Variants in RARB observed in about 807,000 individuals in gnomAD.
RARB encodes the protein HBV-activated protein.
RARB carries 17 observed loss-of-function variants against 51.9 expected under a neutral mutation model. The observed-to-expected ratio is 0.33, with a 90% CI of 0.22 to 0.49. RARB has a LOEUF of 0.49. Among genes scored for constraint, RARB ranks in the 20% least tolerant of loss-of-function variants. The probability of loss-of-function intolerance (pLI) is 0.99; values close to 1 mark genes in which losing one functional copy is unlikely to be tolerated. For missense variants in RARB, 369 were observed against 550.8 expected (o/e 0.67, Z 3.30); for synonymous variants, 215 against 195.4 (o/e 1.10, Z -0.84).
chr3:24,855,744 AT>A (rs34706427), intron 1 of RARB, among the ~76,000 whole-genome samples: 28,911 of 109,778 alleles, frequency 0.26, 2,761 homozygotes, highest in Admixed American at 0.36. Context: ...GGAAATCTGC[AT>A]TTTTTTTTTT....
At chr3:25,288,680 A>G (rs1703712813) in intron 5 of RARB, among the ~76,000 whole-genome samples, 1 of 152,140 alleles carries the variant, frequency 6.6e-6, no homozygotes, top group Non-Finnish European at 1.5e-5. Context: ...CCTGTACCAG[A>G]AACAATAACA....
chr3:25,176,019 T>C (rs1297115462), intron 5 of RARB, among the ~76,000 whole-genome samples: 1 of 152,204 alleles, frequency 6.6e-6, no homozygotes, highest in African/African-American at 2.4e-5. Context: ...GTCTAAATGA[T>C]TGATAAAGCC....
chr3:25,224,547 T>C (rs1007372056), intron 5 of RARB, among the ~76,000 whole-genome samples: 2 of 152,178 alleles, frequency 1.3e-5, no homozygotes, highest in South Asian at 4.1e-4. Flanking sequence ...CTCTGCAAAG[T>C]CACTAAATAT....
At chr3:25,142,779 AT>A (rs1700129973) in intron 4 of RARB, among the ~76,000 whole-genome samples, 1 of 152,108 alleles carries the variant, frequency 6.6e-6, no homozygotes, top group Non-Finnish European at 1.5e-5. Context: ...ATGGGCTGCA[AT>A]CTATAGCTGG....
chr3:25,130,519 C>G (rs529292657), intron 3 of RARB, among the ~76,000 whole-genome samples: 3 of 151,572 alleles, frequency 2.0e-5, no homozygotes, highest in African/African-American at 7.3e-5. Flanking sequence ...AGTAATGGAC[C>G]ACCTTGTATT....
chr3:25,044,539 C>G (rs1698176180), intron 2 of RARB, among the ~76,000 whole-genome samples: 1 of 152,126 alleles, frequency 6.6e-6, no homozygotes, highest in South Asian at 2.1e-4. Context: ...AGTAATCAGC[C>G]TGGGATTGGT....
chr3:24,878,321 T>A (rs1273413331), intron 2 of RARB, among the ~76,000 whole-genome samples: 1 of 152,128 alleles, frequency 6.6e-6, no homozygotes, highest in Non-Finnish European at 1.5e-5. Context: ...ATTTTGTTTT[T>A]GAAGTTTTCA....
At position 24,989,774 on chromosome 3, in the gene RARB, C is replaced by CTTTTTTTTTTTTTTTTTTTTT. The variant is rs769275874; in HGVS notation, c.-379-70335_-379-70315dup. On this transcript the variant is annotated intron_variant, in intron 2 of 11. Transcript: ENST00000383772. ...ATTTTAACTGTTGTCATATGTTTTT[C>CTTTTTTTTTTTTTTTTTTTTT]TTTTTTTTTTTTTTTTTTTTTTTTT... Among the ~76,000 whole-genome samples, 7 of 29,528 alleles carry CTTTTTTTTTTTTTTTTTTTTT rather than the reference C, an allele frequency of 2.4e-4. 2 individuals carry two copies. Among genetic ancestry groups the CTTTTTTTTTTTTTTTTTTTTT allele is most frequent in the African/African-American group, 6.4e-4 (5 of 7,874 alleles). 19.4% of individuals were successfully genotyped at this position (29,528 alleles called of 152,430 possible).
At chr3:25,484,066 T>A (rs1197178557) in intron 2 of RARB, among the ~76,000 whole-genome samples, 1 of 152,216 alleles carries the variant, frequency 6.6e-6, no homozygotes, top group Non-Finnish European at 1.5e-5. Context: ...TAGTGAAGGA[T>A]GAGCTAAATT....
At chr3:25,561,674 A>C (rs551867045) in intron 3 of RARB, among the ~76,000 whole-genome samples, 1 of 152,264 alleles carries the variant, frequency 6.6e-6, no homozygotes, top group Admixed American at 6.5e-5. Flanking sequence ...TCTATTTTAC[A>C]TAACATTTTA....
intron 5 of RARB, among the ~76,000 whole-genome samples, chr3:25,307,278 C>G (rs922456241): frequency 2.0e-5 from 3 of 151,682 alleles, no homozygotes; most frequent in African/African-American, 7.3e-5. Flanking sequence ...TCTCAGCTGC[C>G]CAGGAAGCTG....
In RARB at chr3:25,472,313, G is replaced by A. The variant is rs78674359; in HGVS notation, c.306+10972G>A. Among the ~76,000 whole-genome samples the A allele has an allele frequency of 4.4e-3, 667 of 152,224 alleles. 5 individuals carry two copies. Among genetic ancestry groups the A allele is most frequent in the African/African-American group, 0.015 (632 of 41,528 alleles). On this transcript the variant is annotated intron_variant, in intron 2 of 7. Coordinates refer to ENST00000330688, the MANE Select transcript of RARB (RefSeq NM_000965.5). ...CTACTGGAATGAAAAGAGAGCGTGGGGGAGGCAGTACACCTGCTTCTTAAA... is the reference window on the plus strand; with the variant it reads ...CTACTGGAATGAAAAGAGAGCGTGGAGGAGGCAGTACACCTGCTTCTTAAA...
chr3:24,900,093 A>G (rs1179624053), intron 2 of RARB, among the ~76,000 whole-genome samples: 3 of 152,186 alleles, frequency 2.0e-5, no homozygotes, highest in African/African-American at 7.2e-5. Context: ...CCATCTATTA[A>G]GTGTGGTTTG....
At chr3:25,151,976 T>C (rs543844293) in intron 4 of RARB, among the ~76,000 whole-genome samples, 1 of 152,218 alleles carries the variant, frequency 6.6e-6, no homozygotes, top group East Asian at 1.9e-4. Context: ...AGAGGGAAAA[T>C]GACATTCTTC....
At position 25,333,556 on chromosome 3, in the gene RARB, C is replaced by T. The variant is rs567665427; in HGVS notation, c.179-127637C>T. Among the ~76,000 whole-genome samples, 8 of 152,264 alleles carry T rather than the reference C, an allele frequency of 5.3e-5. No homozygotes were observed. The East Asian group carries it at 1.5e-3, about 29-fold the overall frequency. On this transcript the variant is annotated intron_variant, in intron 5 of 11. Coordinates refer to the RARB transcript ENST00000383772. ...ATGGATTAAAGACTTAAATGTTAGA[C>T]CTAAAACCATAAAAACCTTAGAAGA...
intron 2 of RARB, among the ~76,000 whole-genome samples, chr3:24,898,382 T>C (rs1418167520): frequency 6.6e-5 from 10 of 150,816 alleles, no homozygotes; most frequent in African/African-American, 1.9e-4. Flanking sequence ...ATATAACAAA[T>C]AGGAATAAAT....
At chr3:24,955,900 C>T (rs535615789) in intron 2 of RARB, among the ~76,000 whole-genome samples, 132 of 152,274 alleles carry the variant, frequency 8.7e-4, no homozygotes, top group African/African-American at 3.0e-3. Context: ...TAAAATATCT[C>T]TCTGGGCATA....
chr3:25,108,779 T>G (rs2080341742), intron 3 of RARB, among the ~76,000 whole-genome samples: 1 of 152,254 alleles, frequency 6.6e-6, no homozygotes, highest in African/African-American at 2.4e-5. Context: ...AAACTAAATA[T>G]GAATTAACTG....
chr3:25,121,643 A>C (rs1699784186), intron 3 of RARB, among the ~76,000 whole-genome samples: 1 of 152,158 alleles, frequency 6.6e-6, no homozygotes, highest in Non-Finnish European at 1.5e-5. Context: ...ATATTTTTTT[A>C]TGTGTAATGG....
Sources: gnomAD v4.1 joint callset for allele counts (sites outside exome capture counted in the v4.1 genomes callset) on GRCh38, gnomAD v4.1.1 for gene constraint, MANE v1.5 for transcripts, NCBI Gene and HGNC (gene_info 2026-07-23, HGNC 2026-07-21) for gene names.